The following NEK1 variants were observed in gnomAD, a reference collection of about 807,000 sequenced individuals.
NEK1 encodes the protein NIMA related kinase 1, also known as serine/threonine-protein kinase Nek1.
Under a neutral mutation model 182.1 loss-of-function variants are expected in NEK1, and 137 were observed. That is an observed-to-expected ratio of 0.75 (90% CI 0.65 to 0.87). NEK1 has a LOEUF of 0.87. Among genes scored for constraint, NEK1 ranks in the 40% least tolerant of loss-of-function variants. The pLI is 0.00. For synonymous variants in NEK1, 513 were observed against 492.2 expected (o/e 1.04, Z -0.56); for missense variants, 1,391 against 1,494.4 (o/e 0.93, Z 1.14).
intron 35 of NEK1, among the ~76,000 whole-genome samples, chr4:169,397,892 T>C: frequency 6.6e-6 from 1 of 152,188 alleles, no homozygotes; most frequent in South Asian, 2.1e-4. Context: ...CCCAAGCACA[T>C]TGTTGCTGAT....
intron 12 of NEK1, among the ~76,000 whole-genome samples, chr4:169,566,802 T>TA (rs953742357): frequency 2.4e-4 from 36 of 151,300 alleles, no homozygotes; most frequent in Admixed American, 1.6e-3. Flanking sequence ...AAAAATGAGA[T>TA]AAAAAAAAAT....
At chr4:169,556,197 A>T in intron 16 of NEK1, 102 bp from the exon 17 acceptor site, 1 of 1,058,624 alleles carries the variant, frequency 9.4e-7, no homozygotes, top group South Asian at 1.9e-5. Context: ...TCACTTTTAA[A>T]AAGTAATTAC....
intron 19 of NEK1, among the ~76,000 whole-genome samples, chr4:169,531,170 G>A (rs970302201): frequency 6.6e-6 from 1 of 152,046 alleles, no homozygotes; most frequent in African/African-American, 2.4e-5. Flanking sequence ...TATCGTGGAA[G>A]AAGGAAATTT....
rs76431049 is a variant in NEK1 at position 169,446,584 on chromosome 4, C to T, written c.2588-8325G>A. ...TAAATAAGGTACCAGACACCAATCC[C>T]AGAAAGACAGAGATATATGACCTTT... is the stretch of plus-strand genomic sequence containing the variant. On this transcript the variant is annotated intron_variant, in intron 27 of 35. Transcript: ENST00000507142. Among the ~76,000 whole-genome samples, 25 of 152,142 alleles carry T rather than the reference C, an allele frequency of 1.6e-4. No individual in the cohort carries two copies. In the East Asian group the frequency reaches 4.8e-3, roughly 29 times the overall value.
At chr4:169,438,522 C>T (rs930455877) in intron 27 of NEK1, among the ~76,000 whole-genome samples, 1 of 152,180 alleles carries the variant, frequency 6.6e-6, no homozygotes, top group Non-Finnish European at 1.5e-5. Flanking sequence ...TATTAGAATA[C>T]TATTTTTTAA....
chr4:169,416,197 A>G (rs1297130278), intron 31 of NEK1, among the ~76,000 whole-genome samples: 2 of 152,202 alleles, frequency 1.3e-5, no homozygotes, highest in African/African-American at 4.8e-5. Context: ...TCTCATGTTC[A>G]TGACAGTTAA....
rs559656698 is a variant in NEK1 at position 169,484,105 on chromosome 4, C to T, written c.2008-4571G>A. Reference sequence around the variant, plus strand: ...AATATGTTATTTCTCTAGATGATTACTTAAAAGAAATATACTTTGAATGAA... The same window carrying T: ...AATATGTTATTTCTCTAGATGATTATTTAAAAGAAATATACTTTGAATGAA... On this transcript the variant is annotated intron_variant, in intron 23 of 35. Coordinates refer to ENST00000507142, the MANE Select transcript of NEK1 (RefSeq NM_001199397.3). Among the ~76,000 whole-genome samples the T allele has an allele frequency of 3.9e-5, 6 of 152,282 alleles. No individual in the cohort carries two copies. In the South Asian group the frequency reaches 1.2e-3, roughly 32 times the overall value.
At chr4:169,567,421 GAC>G (rs1179944032) in intron 12 of NEK1, among the ~76,000 whole-genome samples, 34 of 149,118 alleles carry the variant, frequency 2.3e-4, no homozygotes, top group Non-Finnish European at 1.5e-5. Flanking sequence ...TTTTTTTTGA[GAC>G]ACAGTCTCGC....
At chr4:169,598,983 A>C in intron 5 of NEK1, 117 bp downstream of exon 5, 2 of 721,508 alleles carry the variant, frequency 2.8e-6, no homozygotes, top group Non-Finnish European at 4.6e-6. Context: ...TTGATATACT[A>C]AACTTCCCTA....
At chr4:169,449,920 A>G (rs963877813) in intron 27 of NEK1, among the ~76,000 whole-genome samples, 2 of 152,258 alleles carry the variant, frequency 1.3e-5, no homozygotes, top group Non-Finnish European at 2.9e-5. Context: ...CAAGGAAGCT[A>G]AAAACCTTGA....
intron 23 of NEK1, among the ~76,000 whole-genome samples, chr4:169,504,501 T>C (rs1268403794): frequency 1.3e-5 from 2 of 151,916 alleles, no homozygotes; most frequent in East Asian, 3.9e-4. Context: ...AACAGATGAG[T>C]GGATAAAGAA....
At chr4:169,604,165 A>C (rs1770957154) in intron 2 of NEK1, among the ~76,000 whole-genome samples, 1 of 152,192 alleles carries the variant, frequency 6.6e-6, no homozygotes, top group Non-Finnish European at 1.5e-5. Flanking sequence ...TTAAGTATAA[A>C]AGATTATTTT....
At chr4:169,570,663 C>G (rs1361170516) in intron 12 of NEK1, among the ~76,000 whole-genome samples, 1 of 152,204 alleles carries the variant, frequency 6.6e-6, no homozygotes, top group Non-Finnish European at 1.5e-5. Flanking sequence ...GGCCACCACC[C>G]CATCTGGGAG....
At chr4:169,519,784 A>G (rs1755742553) in intron 19 of NEK1, among the ~76,000 whole-genome samples, 1 of 88,974 alleles carries the variant, frequency 1.1e-5, no homozygotes, top group Non-Finnish European at 2.5e-5. Context: ...TTGGCTGTAT[A>G]TGAAATTCTG....
intron 5 of NEK1, among the ~76,000 whole-genome samples, chr4:169,591,155 A>C (rs11132809): frequency 0.24 from 29,995 of 127,238 alleles, 3,554 homozygotes; most frequent in African/African-American, 0.45. Flanking sequence ...CCCCCCCCCC[A>C]CTTCTTTAGG....
At chr4:169,558,852 A>G (rs917914504) in intron 16 of NEK1, among the ~76,000 whole-genome samples, 5 of 152,186 alleles carry the variant, frequency 3.3e-5, no homozygotes, top group African/African-American at 1.2e-4. Flanking sequence ...GTACGTAATA[A>G]TAGTATTAAT....
chr4:169,496,380 T>C (rs1229324123), intron 23 of NEK1, among the ~76,000 whole-genome samples: 1 of 151,366 alleles, frequency 6.6e-6, no homozygotes, highest in African/African-American at 2.5e-5. Flanking sequence ...CTTTTCCTAA[T>C]TGAATACCCT....
chr4:169,398,340 T>A (rs1317082966), intron 35 of NEK1, among the ~76,000 whole-genome samples: 1 of 152,030 alleles, frequency 6.6e-6, no homozygotes, highest in East Asian at 1.9e-4. Flanking sequence ...CCTTGGATTC[T>A]CATGCCTGAA....
At chr4:169,433,091 G>T (rs946029294) in intron 29 of NEK1, among the ~76,000 whole-genome samples, 24 of 151,538 alleles carry the variant, frequency 1.6e-4, no homozygotes, top group Non-Finnish European at 7.4e-5. Context: ...AGACAGTCTT[G>T]CTCTGTAGCC....
Sources: gnomAD v4.1 joint callset for allele counts (sites outside exome capture counted in the v4.1 genomes callset) on GRCh38, gnomAD v4.1.1 for gene constraint, MANE v1.5 for transcripts, NCBI Gene and HGNC (gene_info 2026-07-23, HGNC 2026-07-21) for gene names.